The following CMSS1 variants were observed in gnomAD, a reference collection of about 807,000 sequenced individuals.
The protein encoded by CMSS1 is cms1 ribosomal small subunit homolog.
Under a neutral mutation model 43.5 loss-of-function variants are expected in CMSS1, and 33 were observed. The observed-to-expected ratio is 0.76, with a 90% CI of 0.57 to 1.01. CMSS1 has a LOEUF of 1.01. CMSS1 is among the 50% of genes least tolerant of loss of function. The probability of loss-of-function intolerance (pLI) is 0.00; values close to 1 mark genes in which losing one functional copy is unlikely to be tolerated. For missense variants in CMSS1, 313 were observed against 326.4 expected, an observed-to-expected ratio of 0.96 and a Z score of 0.32; for synonymous variants, 115 against 117.2, an observed-to-expected ratio of 0.98 and a Z score of 0.12.
At chr3:99,910,863 A>G (rs936451964) in intron 1 of CMSS1, among the ~76,000 whole-genome samples, 1 of 152,200 alleles carries the variant, frequency 6.6e-6, no homozygotes, top group Non-Finnish European at 1.5e-5. Context: ...CTTGGGCCCA[A>G]ACTCAAACAA....
intron 1 of CMSS1, among the ~76,000 whole-genome samples, chr3:99,943,256 G>A (rs1180472307): frequency 1.3e-5 from 2 of 152,172 alleles, no homozygotes; most frequent in Admixed American, 1.3e-4. Context: ...GCTTTTGTGT[G>A]TGGCCTTCAA....
intron 1 of CMSS1, among the ~76,000 whole-genome samples, chr3:99,952,379 T>C (rs1708203028): frequency 6.6e-6 from 1 of 152,216 alleles, no homozygotes; most frequent in Non-Finnish European, 1.5e-5. Context: ...CTTCTGCCAG[T>C]CATTATGTCT....
chr3:99,854,412 C>T (rs1943852940), intron 1 of CMSS1, among the ~76,000 whole-genome samples: 2 of 152,192 alleles, frequency 1.3e-5, no homozygotes, highest in South Asian at 4.1e-4. Flanking sequence ...TTCAAAGTAG[C>T]ATAGACCTTG....
intron 1 of CMSS1, among the ~76,000 whole-genome samples, chr3:99,983,464 G>GTGTGTA (rs1491438114): frequency 4.7e-4 from 6 of 12,688 alleles, no homozygotes; most frequent in African/African-American, 1.3e-3. Context: ...ATATATGTGT[G>GTGTGTA]TATATATATA....
intron 1 of CMSS1, among the ~76,000 whole-genome samples, chr3:99,986,205 C>T (rs1013542775): frequency 6.6e-6 from 1 of 152,102 alleles, no homozygotes; most frequent in African/African-American, 2.4e-5. Flanking sequence ...GTAAAGATAG[C>T]TTACATCAAT....
At chr3:99,978,886 CA>C (rs200216895) in intron 1 of CMSS1, among the ~76,000 whole-genome samples, 56 of 140,814 alleles carry the variant, frequency 4.0e-4, no homozygotes, top group African/African-American at 1.3e-3. Flanking sequence ...CTCTTGTTTA[CA>C]AAAAAAAAAG....
intron 1 of CMSS1, among the ~76,000 whole-genome samples, chr3:100,068,462 T>C (rs2065705253): frequency 6.6e-6 from 1 of 152,188 alleles, no homozygotes; most frequent in Non-Finnish European, 1.5e-5. Flanking sequence ...CAAGTCTATC[T>C]AGATTCTTTA....
chr3:99,852,976 A>C (rs1943776865), intron 1 of CMSS1, among the ~76,000 whole-genome samples: 1 of 152,172 alleles, frequency 6.6e-6, no homozygotes, highest in Admixed American at 6.5e-5. Context: ...TGGCTTATAA[A>C]ATTCAGAAGA....
rs146939044 is a variant in CMSS1, at chr3:100,176,439, T to C, written c.756+24T>C. On this transcript the variant is annotated intron_variant, in intron 9 of 9. Transcript: ENST00000421999. ...AGGTACCACGTAACCAGCAGTTGCC[T>C]TTAATCATTTTTTCTCTATTTGAAC... is the stretch of plus-strand genomic sequence containing the variant. The C allele has an allele frequency of 5.8e-4, 858 of 1,483,772 alleles. 3 individuals are homozygous for C. In the African/African-American group the frequency reaches 9.5e-3, roughly 17 times the overall value. 91.9% of individuals were successfully genotyped at this position (1,483,772 alleles called of 1,614,324 possible). A position where few individuals can be genotyped will look rare whatever the true frequency, so the allele number is the denominator to read the frequency against.
At position 99,963,672 on chromosome 3, in the gene CMSS1, C is replaced by T. The variant is rs566547700; in HGVS notation, c.64+145629C>T. On this transcript the variant is annotated intron_variant, in intron 1 of 9. Transcript: ENST00000421999. ...TGTAGCCCAGGCTGGAGTGCAGTGG[C>T]GTGATCTCGGTTCACTGCAGCCTCG... Among the ~76,000 whole-genome samples, 5 of 151,642 alleles carry T rather than the reference C, an allele frequency of 3.3e-5. No homozygotes were observed. In the South Asian group the frequency reaches 6.3e-4, roughly 19 times the overall value.
chr3:99,826,165 T>C (rs1942532701), intron 1 of CMSS1, among the ~76,000 whole-genome samples: 1 of 152,226 alleles, frequency 6.6e-6, no homozygotes, highest in Admixed American at 6.5e-5. Context: ...TTACTAAATA[T>C]ATCACAGCTT....
At chr3:100,080,211 T>G (rs1391110279) in intron 1 of CMSS1, among the ~76,000 whole-genome samples, 2 of 152,168 alleles carry the variant, frequency 1.3e-5, no homozygotes, top group African/African-American at 4.8e-5. Context: ...CTCAAACTCC[T>G]GAGCTCAACC....
Position 100,039,459 on chromosome 3 carries a change from G to A in CMSS1, c.65-107514G>A, listed in dbSNP as rs752481467. Reference sequence around the variant, plus strand: ...GGAGTTCTACAAAAATACCAACTTGGTTTAATACTTAATGGAAAGGAAAAC... The same window carrying A: ...GGAGTTCTACAAAAATACCAACTTGATTTAATACTTAATGGAAAGGAAAAC... On this transcript the variant is annotated intron_variant, in intron 1 of 9. Coordinates refer to ENST00000421999, the MANE Select transcript of CMSS1 (RefSeq NM_032359.4). 1.8e-4 allele frequency among the ~76,000 whole-genome samples: 27 copies of A among 152,158 alleles called. 1 individual carries two copies. In the South Asian group the frequency reaches 2.7e-3, roughly 15 times the overall value.
At chr3:99,925,917 C>T in intron 1 of CMSS1, 1 of 981,898 alleles carries the variant, frequency 1.0e-6, no homozygotes, top group Non-Finnish European at 1.2e-6. Context: ...TAAGCTGCCA[C>T]CAGAAAAACA....
chr3:100,164,565 G>A (rs1296681107), intron 4 of CMSS1, among the ~76,000 whole-genome samples: 4 of 152,108 alleles, frequency 2.6e-5, no homozygotes, highest in African/African-American at 4.8e-5. Context: ...AACCAAAAAG[G>A]ACAGGTTTTT....
At chr3:100,001,087 T>G (rs1205477534) in intron 1 of CMSS1, among the ~76,000 whole-genome samples, 1 of 152,234 alleles carries the variant, frequency 6.6e-6, no homozygotes, top group African/African-American at 2.4e-5. Flanking sequence ...TGCCTACTTA[T>G]TAATGCAGTT....
At chr3:99,917,764 T>C (rs966582709) in intron 1 of CMSS1, among the ~76,000 whole-genome samples, 1 of 152,214 alleles carries the variant, frequency 6.6e-6, no homozygotes, top group African/African-American at 2.4e-5. Context: ...GAAATCTAGA[T>C]GTCCTTTAAG....
At chr3:99,954,848 C>T (rs1460034735) in intron 1 of CMSS1, among the ~76,000 whole-genome samples, 2 of 151,738 alleles carry the variant, frequency 1.3e-5, no homozygotes, top group East Asian at 3.9e-4. Context: ...AAAAAAAAGT[C>T]ACAACAGACT....
At chr3:99,852,018 C>T (rs1943721910) in intron 1 of CMSS1, among the ~76,000 whole-genome samples, 1 of 152,214 alleles carries the variant, frequency 6.6e-6, no homozygotes, top group Admixed American at 6.5e-5. Context: ...ATAATTCCCT[C>T]TTAAATGATG....
Sources: gnomAD v4.1 joint callset for allele counts (sites outside exome capture counted in the v4.1 genomes callset) on GRCh38, gnomAD v4.1.1 for gene constraint, MANE v1.5 for transcripts, NCBI Gene and HGNC (gene_info 2026-07-23, HGNC 2026-07-21) for gene names.